Variants in CCBE1 observed in about 807,000 individuals in gnomAD.
CCBE1 encodes the protein collagen and calcium binding EGF domains 1.
In CCBE1, 37 loss-of-function variants were observed where a neutral mutation model predicts 50.0. The ratio of observed to expected loss-of-function variants is 0.74; its 90% CI spans 0.57 to 0.97. CCBE1 has a LOEUF of 0.97. CCBE1 is among the 50% of genes least tolerant of loss of function. The pLI is 0.00. For synonymous variants in CCBE1, 234 were observed against 203.7 expected (o/e 1.15, Z -1.27); for missense variants, 538 against 523.8 (o/e 1.03, Z -0.26).
intron 2 of CCBE1, among the ~76,000 whole-genome samples, chr18:59,491,815 CA>C (rs1913111224): frequency 1.1e-5 from 1 of 88,268 alleles, no homozygotes; most frequent in Non-Finnish European, 2.4e-5. Context: ...ACTCTGTCTC[CA>C]AACAAACAAA....
intron 2 of CCBE1, among the ~76,000 whole-genome samples, chr18:59,536,938 G>C (rs780426442): frequency 6.7e-6 from 1 of 148,774 alleles, no homozygotes; most frequent in Non-Finnish European, 1.5e-5. Flanking sequence ...GTTGCAGTGA[G>C]CAGAGATTGT....
chr18:59,696,800 G>T, intron 1 of CCBE1, 91 bp from the exon 2 acceptor site: 1 of 1,374,640 alleles, frequency 7.3e-7, no homozygotes, highest in Non-Finnish European at 1.0e-6. Flanking sequence ...CGTGGGGATC[G>T]CCAGGCTCCC....
In CCBE1 at chr18:59,697,328, A is replaced by G; in HGVS notation, c.15T>C (p.Pro5=). Residue 5 remains proline (P), a synonymous_variant, in exon 1 of 11, where the codon CCT becomes CCC. Coordinates refer to ENST00000439986, the MANE Select transcript of CCBE1 (RefSeq NM_133459.4). MVPP[P]PSRGGAARGQ... The stretch of plus-strand genomic sequence containing the variant: ...CCCTGGCAGCTCCTCCCCGGCTCGG[A>G]GGCGGCGGCACCATCAGGGAAGCTC... 1 of 1,547,948 alleles carries G rather than the reference A, an allele frequency of 6.5e-7. No homozygotes were observed. Among genetic ancestry groups the G allele is most frequent in the Non-Finnish European group, 8.7e-7 (1 of 1,146,818 alleles).
chr18:59,512,483 A>G (rs1383566712), intron 2 of CCBE1, among the ~76,000 whole-genome samples: 3 of 152,236 alleles, frequency 2.0e-5, no homozygotes, highest in Non-Finnish European at 4.4e-5. Flanking sequence ...AACCTTTCTA[A>G]TTTCAGCAGG....
In CCBE1 at chr18:59,554,724, T is replaced by C. The variant is rs567560798; in HGVS notation, c.213-74486A>G. 2.0e-4 allele frequency among the ~76,000 whole-genome samples: 30 copies of C among 152,262 alleles called. No homozygotes were observed. The Middle Eastern group carries it at 0.02, about 104-fold the overall frequency. On this transcript the variant is annotated intron_variant, in intron 2 of 10. Coordinates refer to ENST00000439986, the MANE Select transcript of CCBE1 (RefSeq NM_133459.4). ...TTGACTCTCTTCTCTCCCTATTACA[T>C]GAGAGATTTTATGTGAGAAGGTGGT... is the stretch of plus-strand genomic sequence containing the variant.
intron 2 of CCBE1, chr18:59,696,318 G>A (rs1243429037): frequency 1.3e-5 from 6 of 464,694 alleles, no homozygotes; most frequent in Admixed American, 3.5e-5. Flanking sequence ...TGTTTGCTAT[G>A]CCCCACTGTT....
chr18:59,467,027 T>C, intron 4 of CCBE1, 136 bp from the exon 5 acceptor site: 1 of 751,206 alleles, frequency 1.3e-6, no homozygotes, highest in South Asian at 1.5e-5. Context: ...CAGCCTGGAA[T>C]AAAGTAGGGA....
intron 2 of CCBE1, among the ~76,000 whole-genome samples, chr18:59,629,758 A>G (rs2053828324): frequency 1.3e-5 from 2 of 152,174 alleles, no homozygotes; most frequent in Non-Finnish European, 2.9e-5. Flanking sequence ...GTGGATTATC[A>G]AAAACAGACA....
chr18:59,529,342 G>A (rs1427054619), intron 2 of CCBE1, among the ~76,000 whole-genome samples: 1 of 152,206 alleles, frequency 6.6e-6, no homozygotes, highest in Non-Finnish European at 1.5e-5. Context: ...ATGGCAGACT[G>A]GAGCTCAGTT....
intron 2 of CCBE1, among the ~76,000 whole-genome samples, chr18:59,483,019 A>AG (rs1392902231): frequency 1.3e-5 from 2 of 152,130 alleles, no homozygotes; most frequent in East Asian, 3.9e-4. Flanking sequence ...GTGGTCTACC[A>AG]GCTGGGAACT....
chr18:59,436,021 A>C lies in CCBE1; in HGVS notation c.1108T>G (p.Leu370Val). 1 of 1,614,126 alleles carries C rather than the reference A, an allele frequency of 6.2e-7. No homozygotes were observed. Among genetic ancestry groups the C allele is most frequent in the South Asian group, 1.1e-5 (1 of 91,068 alleles). ...RTHSSAEEFP[L>V]PQEFPSYPEA... Reference sequence around the variant, plus strand: ...GGGTAGCTGGGAAATTCCTGAGGTAAAGGGAACTCCTCTGCTGAAGAGTGA... The same window carrying C: ...GGGTAGCTGGGAAATTCCTGAGGTACAGGGAACTCCTCTGCTGAAGAGTGA... The change falls in exon 11 of 11, where the codon TTA becomes GTA. Residue 370 changes from leucine (L) to valine (V), a missense_variant. By Grantham distance (32) the Leu-to-Val change is conservative. Transcript: ENST00000439986.
chr18:59,435,242 T>A lies in CCBE1; in HGVS notation c.*666A>T, dbSNP rs1179214566. 1 of 152,476 alleles carries A rather than the reference T, an allele frequency of 6.6e-6. No homozygotes were observed. Among genetic ancestry groups the A allele is most frequent in the Admixed American group, 6.5e-5 (1 of 15,306 alleles). The allele number at this position is 152,476 out of a possible 1,614,324, so 9.4% of individuals were successfully genotyped here. Reference sequence around the variant, plus strand: ...AGCACCGTATTTGAATTTTAGAATGTGGCAATCTATATAACAGTAAATATA... The same window carrying A: ...AGCACCGTATTTGAATTTTAGAATGAGGCAATCTATATAACAGTAAATATA... On this transcript the variant is annotated 3_prime_UTR_variant, in exon 11 of 11. Transcript: ENST00000439986.
intron 2 of CCBE1, among the ~76,000 whole-genome samples, chr18:59,660,117 C>T (rs572136128): frequency 6.4e-4 from 98 of 152,276 alleles, no homozygotes; most frequent in African/African-American, 2.2e-3. Flanking sequence ...CGTGGGCACC[C>T]AGCTGAGAGT....
intron 10 of CCBE1, among the ~76,000 whole-genome samples, chr18:59,437,508 G>A (rs150298463): frequency 5.1e-4 from 78 of 152,326 alleles, no homozygotes; most frequent in African/African-American, 1.9e-3. Flanking sequence ...GGGAACCCAC[G>A]ACTCCTACCT....
rs117508294 is a variant in CCBE1 at position 59,590,626 on chromosome 18, G to A, written c.212+106003C>T. Reference sequence around the variant, plus strand: ...CAGACAGATATTAAAACATACAACCGCATCTTAAGTTAAAACAGGGTTGTA... The same window carrying A: ...CAGACAGATATTAAAACATACAACCACATCTTAAGTTAAAACAGGGTTGTA... On this transcript the variant is annotated intron_variant, in intron 2 of 10. Coordinates refer to ENST00000439986, the MANE Select transcript of CCBE1 (RefSeq NM_133459.4). Among the ~76,000 whole-genome samples the A allele has an allele frequency of 2.3e-3, 345 of 152,250 alleles. 4 individuals are homozygous for A. In the East Asian group the frequency reaches 0.032, roughly 14 times the overall value.
intron 2 of CCBE1, among the ~76,000 whole-genome samples, chr18:59,662,840 T>C (rs574461461): frequency 6.6e-6 from 1 of 152,318 alleles, no homozygotes; most frequent in African/African-American, 2.4e-5. Flanking sequence ...AACATAAGTT[T>C]CTTGGTGTAC....
chr18:59,534,637 C>T (rs989189571), intron 2 of CCBE1, among the ~76,000 whole-genome samples: 1 of 152,166 alleles, frequency 6.6e-6, no homozygotes, highest in African/African-American at 2.4e-5. Flanking sequence ...CACCCAAGAC[C>T]TATGAGATCA....
At chr18:59,552,454 T>C (rs556397004) in intron 2 of CCBE1, among the ~76,000 whole-genome samples, 8 of 152,330 alleles carry the variant, frequency 5.3e-5, no homozygotes, top group South Asian at 2.1e-4. Context: ...CAAGATTATA[T>C]GTCTTAACAA....
At chr18:59,547,278 A>C (rs1319890125) in intron 2 of CCBE1, among the ~76,000 whole-genome samples, 1 of 152,002 alleles carries the variant, frequency 6.6e-6, no homozygotes, top group Non-Finnish European at 1.5e-5. Flanking sequence ...GGGAGCAGGG[A>C]GGTGGAAAAA....
Sources: allele counts gnomAD v4.1 joint callset (sites outside exome capture counted in the v4.1 genomes callset), GRCh38; gene constraint gnomAD v4.1.1; transcripts MANE v1.5; gene names NCBI Gene and HGNC (gene_info 2026-07-23, HGNC 2026-07-21).